The following DAP variants were observed in gnomAD, a reference collection of about 807,000 sequenced individuals.
The protein encoded by DAP is death associated protein.
In DAP, 8 loss-of-function variants were observed where a neutral mutation model predicts 13.8. The ratio of observed to expected loss-of-function variants is 0.58; its 90% CI spans 0.34 to 1.05. The LOEUF (loss-of-function observed/expected upper bound fraction) is 1.05, where lower values mean the gene tolerates loss of function less well. DAP is among the 50% of genes least tolerant of loss of function. The probability of loss-of-function intolerance (pLI) is 0.03; values close to 1 mark genes in which losing one functional copy is unlikely to be tolerated. For missense variants in DAP, 106 were observed against 133.2 expected (o/e 0.80, Z 1.01); for synonymous variants, 47 against 47.5 (o/e 0.99, Z 0.04).
Position 10,680,542 on chromosome 5 carries a change from G to C in DAP, c.*514C>G, listed in dbSNP as rs1432572933. On this transcript the variant is annotated 3_prime_UTR_variant, in exon 4 of 4. Transcript: ENST00000230895. ...GCACAGGATCCCCCATCTCACGAGA[G>C]AGGGAAATTTGGCATTGCTGTTCCC... The C allele has an allele frequency of 1.6e-6, 1 of 618,738 alleles. No homozygotes were observed. The highest frequency in any genetic ancestry group is 2.8e-6 in the Non-Finnish European group (1 of 355,198). The allele number at this position is 618,738 out of a possible 1,614,324, so 38.3% of individuals were successfully genotyped here.
chr5:10,720,456 G>GT (rs1232922372), intron 2 of DAP, among the ~76,000 whole-genome samples: 3 of 152,234 alleles, frequency 2.0e-5, no homozygotes, highest in African/African-American at 7.2e-5. Flanking sequence ...TGTATCCCCT[G>GT]TGAGTGCTCA....
intron 2 of DAP, among the ~76,000 whole-genome samples, chr5:10,731,632 A>C (rs1461501892): frequency 6.6e-6 from 1 of 152,156 alleles, no homozygotes; most frequent in Non-Finnish European, 1.5e-5. Context: ...TTTGTGCCTG[A>C]CTTCCCAACC....
intron 2 of DAP, among the ~76,000 whole-genome samples, chr5:10,689,158 C>T (rs557067657): frequency 6.6e-6 from 1 of 152,306 alleles, no homozygotes; most frequent in African/African-American, 2.4e-5. Context: ...GAGATCATGA[C>T]AGCTCTGCTC....
chr5:10,710,082 C>T (rs557354019), intron 2 of DAP, among the ~76,000 whole-genome samples: 13 of 152,174 alleles, frequency 8.5e-5, no homozygotes, highest in East Asian at 3.9e-4. Flanking sequence ...TGGGAGTTTC[C>T]GTCACCTCCA....
chr5:10,695,782 G>T lies in DAP; in HGVS notation c.153-12211C>A, dbSNP rs750332785. On this transcript the variant is annotated intron_variant, in intron 2 of 3. Coordinates refer to ENST00000230895, the MANE Select transcript of DAP (RefSeq NM_004394.3). ...GTGGGAAGGATGCTCTCATTTGGGG[G>T]TTCTGAAATATTTCTCTCCAGGTAG... 1.1e-4 allele frequency among the ~76,000 whole-genome samples: 17 copies of T among 152,100 alleles called. No homozygotes were observed. The South Asian group carries it at 1.2e-3, about 11-fold the overall frequency.
chr5:10,705,603 C>A (rs3797122), intron 2 of DAP, among the ~76,000 whole-genome samples: 1 of 152,180 alleles, frequency 6.6e-6, no homozygotes, highest in Non-Finnish European at 1.5e-5. Context: ...ACTATCTGGG[C>A]GAAACCTGTC....
rs181289625 is a variant in DAP, at chr5:10,736,578, C to T, written c.152+11597G>A. On this transcript the variant is annotated intron_variant, in intron 2 of 3. Coordinates refer to ENST00000230895, the MANE Select transcript of DAP (RefSeq NM_004394.3). ...TTGTGCTTGTTCTGTCAACTTTCTGCCGCCCAAGTTGCCACAGGCAAAACG... is the reference window on the plus strand; with the variant it reads ...TTGTGCTTGTTCTGTCAACTTTCTGTCGCCCAAGTTGCCACAGGCAAAACG... Among the ~76,000 whole-genome samples, 3 of 152,316 alleles carry T rather than the reference C, an allele frequency of 2.0e-5. No homozygotes were observed. The East Asian group carries it at 5.8e-4, about 29-fold the overall frequency.
chr5:10,735,457 T>C (rs1739583621), intron 2 of DAP, among the ~76,000 whole-genome samples: 2 of 152,232 alleles, frequency 1.3e-5, no homozygotes, highest in African/African-American at 4.8e-5. Flanking sequence ...ACCAAGTCAC[T>C]AGAAATAGCA....
intron 2 of DAP, among the ~76,000 whole-genome samples, chr5:10,713,403 T>G (rs1445429517): frequency 6.6e-6 from 1 of 151,846 alleles, no homozygotes; most frequent in Non-Finnish European, 1.5e-5. Context: ...GAGATCACAA[T>G]GACTGATTTT....
At chr5:10,749,996 T>G (rs149864567) in intron 1 of DAP, among the ~76,000 whole-genome samples, 7 of 152,088 alleles carry the variant, frequency 4.6e-5, no homozygotes, top group African/African-American at 1.4e-4. Flanking sequence ...CTCAGACTAT[T>G]AAGAAGAGAG....
rs751003718 is a variant in DAP, at chr5:10,683,570, G to A, written c.154C>T (p.Pro52Ser). The change falls in exon 3 of 4, where the codon CCA (proline) becomes TCA (serine). Residue 52 changes from proline (P) to serine (S), a missense_variant and splice_region_variant. Physicochemically the swap from Pro to Ser is moderately conservative, Grantham distance 74 (BLOSUM62 -1). Transcript: ENST00000230895. ...KDDQEWESPS[P>S]PKPTVFISGV... Reference sequence around the variant, plus strand: ...GAGATGAACACAGTGGGTTTAGGTGGACTGGAAAAAAAGAAGGGAAAAGGC... The same window carrying A: ...GAGATGAACACAGTGGGTTTAGGTGAACTGGAAAAAAAGAAGGGAAAAGGC... 1.2e-6 allele frequency: 2 copies of A among 1,613,814 alleles called. No homozygotes were observed. The highest frequency in any genetic ancestry group is 1.3e-5 in the African/African-American group (1 of 74,864).
At chr5:10,755,771 C>A (rs1461871063) in intron 1 of DAP, among the ~76,000 whole-genome samples, 1 of 152,210 alleles carries the variant, frequency 6.6e-6, no homozygotes, top group Non-Finnish European at 1.5e-5. Context: ...AAAGCAGTCA[C>A]AAAACCAAGT....
intron 2 of DAP, among the ~76,000 whole-genome samples, chr5:10,731,003 G>C (rs1452053330): frequency 1.2e-5 from 1 of 85,946 alleles, no homozygotes; most frequent in Non-Finnish European, 2.4e-5. Flanking sequence ...GAGCCCTGGT[G>C]GGGGGGAATC....
intron 1 of DAP, among the ~76,000 whole-genome samples, chr5:10,755,666 A>G (rs1442760141): frequency 3.9e-5 from 6 of 152,222 alleles, no homozygotes; most frequent in Admixed American, 3.9e-4. Flanking sequence ...GTTTGTTACA[A>G]CAGGAAGTAC....
chr5:10,739,843 C>T (rs550368140), intron 2 of DAP, among the ~76,000 whole-genome samples: 108 of 151,698 alleles, frequency 7.1e-4, no homozygotes, highest in African/African-American at 2.5e-3. Flanking sequence ...ACAGAAAAGG[C>T]ATGCTGTTTT....
chr5:10,716,174 C>T (rs1217270341), intron 2 of DAP, among the ~76,000 whole-genome samples: 1 of 152,194 alleles, frequency 6.6e-6, no homozygotes, highest in African/African-American at 2.4e-5. Flanking sequence ...AGACATTGAG[C>T]TCCATCGGTG....
intron 2 of DAP, among the ~76,000 whole-genome samples, chr5:10,741,801 T>G (rs570415284): frequency 6.6e-6 from 1 of 152,254 alleles, no homozygotes; most frequent in African/African-American, 2.4e-5. Flanking sequence ...GAAGGCTTTT[T>G]GTAGTATTTT....
chr5:10,701,402 A>G (rs3756407), intron 2 of DAP, among the ~76,000 whole-genome samples: 9,582 of 152,242 alleles, frequency 0.063, 484 homozygotes, highest in East Asian at 0.2. Context: ...CTCAATAAGG[A>G]ACCAATTTGA....
chr5:10,730,848 A>G (rs373695785), intron 2 of DAP, among the ~76,000 whole-genome samples: 138 of 80,206 alleles, frequency 1.7e-3, no homozygotes, highest in African/African-American at 7.1e-3. Context: ...TGGGGGGGAA[A>G]TCTTTCTCTA....
Sources: gnomAD v4.1 joint callset for allele counts (sites outside exome capture counted in the v4.1 genomes callset) on GRCh38, gnomAD v4.1.1 for gene constraint, MANE v1.5 for transcripts, NCBI Gene and HGNC (gene_info 2026-07-23, HGNC 2026-07-21) for gene names.